Variants in C8orf34 observed in about 807,000 individuals in gnomAD.
C8orf34 encodes the protein uncharacterized protein C8orf34.
In C8orf34, 65 loss-of-function variants were observed where a neutral mutation model predicts 68.3. That is an observed-to-expected ratio of 0.95 (90% CI 0.78 to 1.17). The LOEUF (loss-of-function observed/expected upper bound fraction) is 1.17, where lower values mean the gene tolerates loss of function less well. Among genes scored for constraint, C8orf34 ranks in the 50% most tolerant of loss-of-function variants. The probability of loss-of-function intolerance (pLI) is 0.00; values close to 1 mark genes in which losing one functional copy is unlikely to be tolerated. For missense variants in C8orf34, 664 were observed against 655.4 expected (o/e 1.01, Z -0.14); for synonymous variants, 244 against 241.2 (o/e 1.01, Z -0.11).
intron 8 of C8orf34, among the ~76,000 whole-genome samples, chr8:68,690,378 G>A (rs925368451): frequency 6.6e-6 from 1 of 151,970 alleles, no homozygotes; most frequent in African/African-American, 2.4e-5. Context: ...ATATAAGTTT[G>A]ACATATGTCT....
chr8:68,668,014 A>G (rs1225282971), intron 8 of C8orf34, among the ~76,000 whole-genome samples: 1 of 152,204 alleles, frequency 6.6e-6, no homozygotes, highest in African/African-American at 2.4e-5. Flanking sequence ...AAATCTTGGA[A>G]GACAGATATC....
chr8:68,557,247 A>G (rs988578379), intron 7 of C8orf34, among the ~76,000 whole-genome samples: 1 of 152,152 alleles, frequency 6.6e-6, no homozygotes, highest in East Asian at 1.9e-4. Flanking sequence ...GTTGGCACTT[A>G]GTTCTAGGCA....
intron 5 of C8orf34, among the ~76,000 whole-genome samples, chr8:68,513,612 A>G (rs1012545258): frequency 1.3e-5 from 2 of 152,270 alleles, no homozygotes; most frequent in Admixed American, 1.3e-4. Flanking sequence ...GTAGAGAAGA[A>G]GAAAAAAACA....
At chr8:68,671,425 A>G (rs1563599006) in intron 8 of C8orf34, among the ~76,000 whole-genome samples, 1 of 152,200 alleles carries the variant, frequency 6.6e-6, no homozygotes, top group Non-Finnish European at 1.5e-5. Flanking sequence ...GCTGTATCTA[A>G]TACTTTAATG....
At chr8:68,775,379 T>C (rs1402988288) in intron 10 of C8orf34, among the ~76,000 whole-genome samples, 2 of 152,188 alleles carry the variant, frequency 1.3e-5, no homozygotes, top group Non-Finnish European at 2.9e-5. Context: ...TCTCTCGTCA[T>C]GGAGTATAAA....
chr8:68,419,533 G>GT (rs1809847839), intron 1 of C8orf34, among the ~76,000 whole-genome samples: 2 of 152,078 alleles, frequency 1.3e-5, no homozygotes, highest in South Asian at 4.1e-4. Context: ...GCACACATAT[G>GT]TTTATTGCAG....
intron 10 of C8orf34, among the ~76,000 whole-genome samples, chr8:68,738,984 A>T (rs1055567063): frequency 5.9e-5 from 9 of 152,236 alleles, no homozygotes; most frequent in African/African-American, 2.2e-4. Context: ...CAACAAAAAA[A>T]GAAAGCAAAA....
intron 10 of C8orf34, among the ~76,000 whole-genome samples, chr8:68,754,669 A>G (rs1361238427): frequency 1.3e-5 from 2 of 152,236 alleles, no homozygotes; most frequent in South Asian, 2.1e-4. Flanking sequence ...TTTTAAGAAG[A>G]CAGAAATACG....
rs57444673 is a variant in C8orf34, at chr8:68,401,115, GT to G, written c.328-38369del. ...ACCTCCTTGGTTAAACATATTCCTA[GT>G]TTTTTTTTTTTTTTGTAGCTATTGT... is the stretch of plus-strand genomic sequence containing the variant. On this transcript the variant is annotated intron_variant, in intron 1 of 13. Coordinates refer to ENST00000518698, the MANE Select transcript of C8orf34 (RefSeq NM_052958.4). Among the ~76,000 whole-genome samples the G allele has an allele frequency of 6.4e-3, 894 of 139,000 alleles. 7 individuals are homozygous for G. The highest frequency in any genetic ancestry group is 0.017 in the African/African-American group (624 of 37,678). 91.2% of individuals were successfully genotyped at this position (139,000 alleles called of 152,430 possible). A position where few individuals can be genotyped will look rare whatever the true frequency, so the allele number is the denominator to read the frequency against.
chr8:68,349,177 A>G (rs781079692), intron 1 of C8orf34, among the ~76,000 whole-genome samples: 2 of 152,032 alleles, frequency 1.3e-5, no homozygotes, highest in Non-Finnish European at 2.9e-5. Context: ...GGGAGTTTTT[A>G]ACAGGAAGGA....
At chr8:68,731,556 C>A (rs936051066) in intron 10 of C8orf34, among the ~76,000 whole-genome samples, 2 of 152,052 alleles carry the variant, frequency 1.3e-5, no homozygotes, top group Non-Finnish European at 2.9e-5. Context: ...TTACATTCTG[C>A]TTTTCTTTAA....
At chr8:68,468,210 C>G (rs192496992) in intron 3 of C8orf34, among the ~76,000 whole-genome samples, 34 of 151,944 alleles carry the variant, frequency 2.2e-4, no homozygotes, top group Admixed American at 1.9e-3. Context: ...TACACTTGTT[C>G]AACTAATTCT....
At chr8:68,435,177 A>G (rs1810611372) in intron 1 of C8orf34, among the ~76,000 whole-genome samples, 2 of 148,828 alleles carry the variant, frequency 1.3e-5, no homozygotes, top group South Asian at 2.1e-4. Flanking sequence ...GTAATAATAA[A>G]CATAAATATA....
intron 8 of C8orf34, among the ~76,000 whole-genome samples, chr8:68,675,921 A>G (rs1820173868): frequency 6.6e-6 from 1 of 152,196 alleles, no homozygotes; most frequent in Non-Finnish European, 1.5e-5. Flanking sequence ...TGGAGACCAA[A>G]AAAGAGCAGG....
intron 7 of C8orf34, among the ~76,000 whole-genome samples, chr8:68,600,333 GTGT>G (rs1193327894): frequency 6.6e-6 from 1 of 152,052 alleles, no homozygotes; most frequent in Non-Finnish European, 1.5e-5. Context: ...ACATCAGATG[GTGT>G]TGTAATTTTT....
chr8:68,489,540 A>T (rs1813222697), intron 5 of C8orf34, among the ~76,000 whole-genome samples: 1 of 152,206 alleles, frequency 6.6e-6, no homozygotes, highest in African/African-American at 2.4e-5. Context: ...TCACCTGGAG[A>T]TAATTTTATG....
chr8:68,553,001 G>T (rs1816125301), intron 7 of C8orf34, among the ~76,000 whole-genome samples: 1 of 152,022 alleles, frequency 6.6e-6, no homozygotes, highest in Non-Finnish European at 1.5e-5. Flanking sequence ...GTCTATAAGA[G>T]ATATTGTTGT....
intron 1 of C8orf34, among the ~76,000 whole-genome samples, chr8:68,407,064 G>A (rs1403449831): frequency 6.6e-6 from 1 of 152,122 alleles, no homozygotes; most frequent in Non-Finnish European, 1.5e-5. Context: ...TCTACATAGA[G>A]GAATCATACC....
intron 4 of C8orf34, among the ~76,000 whole-genome samples, chr8:68,481,330 C>T (rs1812849730): frequency 7.5e-6 from 1 of 133,434 alleles, no homozygotes; most frequent in South Asian, 2.5e-4. Context: ...AGATTGCTTC[C>T]ATGGCGGGGC....
Sources: allele counts gnomAD v4.1 joint callset (sites outside exome capture counted in the v4.1 genomes callset), GRCh38; gene constraint gnomAD v4.1.1; transcripts MANE v1.5; gene names NCBI Gene and HGNC (gene_info 2026-07-23, HGNC 2026-07-21).